Variants in CNKSR3 observed in about 807,000 individuals in gnomAD.
CNKSR3 encodes the protein CNKSR family member 3, also known as connector enhancer of kinase suppressor of ras 3.
Under a neutral mutation model 67.7 loss-of-function variants are expected in CNKSR3, and 36 were observed. That is an observed-to-expected ratio of 0.53 (90% confidence interval 0.41 to 0.70). The LOEUF (loss-of-function observed/expected upper bound fraction) is 0.70, where lower values mean the gene tolerates loss of function less well. CNKSR3 is among the 30% of genes least tolerant of loss of function. The pLI is 0.00. For synonymous variants in CNKSR3, 281 were observed against 271.4 expected (o/e 1.04, Z -0.35); for missense variants, 630 against 695.2 (o/e 0.91, Z 1.05).
At chr6:154,509,865 G>A (rs114177745) in intron 1 of CNKSR3, among the ~76,000 whole-genome samples, 198 bp downstream of exon 1, 1,691 of 152,228 alleles carry the variant, frequency 0.011, 34 homozygotes, top group African/African-American at 0.039. Flanking sequence ...GCCACAATCC[G>A]CACCCTGGAA....
intron 1 of CNKSR3, among the ~76,000 whole-genome samples, chr6:154,454,109 A>ACACAC (rs1785899735): frequency 2.6e-5 from 1 of 38,266 alleles, no homozygotes; most frequent in African/African-American, 7.6e-5. Context: ...ACACACAGAG[A>ACACAC]GAGAGAGAGA....
At chr6:154,414,746 A>G (rs769797352) in intron 9 of CNKSR3, 1 of 533,024 alleles carries the variant, frequency 1.9e-6, no homozygotes, top group Non-Finnish European at 3.8e-6. Flanking sequence ...AGTGATACTG[A>G]TAATATCTCT....
intron 9 of CNKSR3, 27 bp downstream of exon 9, chr6:154,422,479 T>C: frequency 1.9e-6 from 3 of 1,605,212 alleles, no homozygotes; most frequent in African/African-American, 1.3e-5. Flanking sequence ...CATTGTTGGA[T>C]GGAGGTTTAC....
intron 1 of CNKSR3, among the ~76,000 whole-genome samples, chr6:154,456,436 G>A (rs138412857): frequency 6.6e-6 from 1 of 151,350 alleles, no homozygotes; most frequent in African/African-American, 2.4e-5. Context: ...GGTGGCTCAC[G>A]TCTGTGATCC....
rs1038466401 is a variant in CNKSR3 at position 154,391,389 on chromosome 6, A to C, written c.*14965T>G. 1 of 152,072 alleles carries C rather than the reference A, an allele frequency of 6.6e-6. No individual in the cohort carries two copies. Among genetic ancestry groups the C allele is most frequent in the Non-Finnish European group, 1.5e-5 (1 of 68,120 alleles). 9.4% of individuals were successfully genotyped at this position (152,072 alleles called of 1,614,324 possible). On this transcript the variant is annotated 3_prime_UTR_variant, in exon 13 of 13. Transcript: ENST00000607772. The stretch of plus-strand genomic sequence containing the variant: ...GCTGAGACTACAGGCGCCTGCCACC[A>C]CAACTGGCTAATTTTTTGTATTTTT...
chr6:154,457,649 C>A (rs1313150556), intron 1 of CNKSR3, among the ~76,000 whole-genome samples: 2 of 152,170 alleles, frequency 1.3e-5, no homozygotes, highest in Non-Finnish European at 2.9e-5. Flanking sequence ...CAGAGTATCC[C>A]TTCACCATGT....
At chr6:154,440,100 G>A (rs895672407) in intron 4 of CNKSR3, among the ~76,000 whole-genome samples, 1 of 152,132 alleles carries the variant, frequency 6.6e-6, no homozygotes, top group Non-Finnish European at 1.5e-5. Context: ...CAAAAACTCA[G>A]AAGCTACTTT....
chr6:154,388,176 C>T lies in CNKSR3; in HGVS notation c.*18178G>A, dbSNP rs1203128329. The T allele has an allele frequency of 2.0e-5, 3 of 152,146 alleles. No individual in the cohort carries two copies. Among genetic ancestry groups the T allele is most frequent in the East Asian group, 3.8e-4 (2 of 5,196 alleles). The allele number at this position is 152,146 out of a possible 1,614,324, so 9.4% of individuals were successfully genotyped here. On this transcript the variant is annotated 3_prime_UTR_variant, in exon 13 of 13. Transcript: ENST00000607772. ...CCTATTGATTAGTAACTCCCCACTCCCCTCAGCCCCTGGCCACCATCATTT... is the reference window on the plus strand; with the variant it reads ...CCTATTGATTAGTAACTCCCCACTCTCCTCAGCCCCTGGCCACCATCATTT...
At chr6:154,442,371 C>G in intron 2 of CNKSR3, 81 bp from the exon 3 acceptor site, 1 of 1,229,100 alleles carries the variant, frequency 8.1e-7, no homozygotes, top group Non-Finnish European at 1.2e-6. Context: ...GCCTGTAATC[C>G]TAGCACTTTG....
chr6:154,454,980 T>G (rs745891073), intron 1 of CNKSR3, among the ~76,000 whole-genome samples: 13 of 152,050 alleles, frequency 8.5e-5, no homozygotes, highest in Non-Finnish European at 1.5e-4. Context: ...CCTAAAAAAT[T>G]TTTATGATTT....
At chr6:154,492,577 C>G (rs970134222) in intron 1 of CNKSR3, among the ~76,000 whole-genome samples, 4 of 151,994 alleles carry the variant, frequency 2.6e-5, no homozygotes, top group African/African-American at 7.2e-5. Context: ...GAAACCCCAT[C>G]TCTCCTAAAA....
chr6:154,454,100 CACACAGAG>C (rs1266365273), intron 1 of CNKSR3, among the ~76,000 whole-genome samples: 3 of 97,308 alleles, frequency 3.1e-5, no homozygotes, highest in Non-Finnish European at 4.4e-5. Context: ...CACACACACA[CACACAGAG>C]AGAGAGAGAG....
At chr6:154,445,987 C>T (rs958597494) in intron 2 of CNKSR3, among the ~76,000 whole-genome samples, 2 of 152,192 alleles carry the variant, frequency 1.3e-5, no homozygotes, top group African/African-American at 4.8e-5. Context: ...CCATAAAGAC[C>T]GAAAATAAAT....
At chr6:154,456,857 C>CT (rs1582876047) in intron 1 of CNKSR3, among the ~76,000 whole-genome samples, 1 of 151,904 alleles carries the variant, frequency 6.6e-6, no homozygotes, top group African/African-American at 2.4e-5. Context: ...GAAGCAACTA[C>CT]TATATGTAAG....
rs1273344340 is a variant in CNKSR3 at position 154,390,986 on chromosome 6, A to G, written c.*15368T>C. ...CAGCTAATTTTTATATTTTTAGTAG[A>G]GAGAGGGTTTCACCATTCTGGCCAG... is the stretch of plus-strand genomic sequence containing the variant. On this transcript the variant is annotated 3_prime_UTR_variant, in exon 13 of 13. Coordinates refer to ENST00000607772, the MANE Select transcript of CNKSR3 (RefSeq NM_173515.4). 6.6e-6 allele frequency: 1 copy of G among 151,886 alleles called. No individual in the cohort carries two copies. The highest frequency in any genetic ancestry group is 1.5e-5 in the Non-Finnish European group (1 of 68,046). 9.4% of individuals were successfully genotyped at this position (151,886 alleles called of 1,614,324 possible).
chr6:154,415,228 A>ATTCTTTTTTTTTTTTTTTTTTTT (rs1784998552), intron 9 of CNKSR3, among the ~76,000 whole-genome samples: 1 of 118,106 alleles, frequency 8.5e-6, no homozygotes, highest in Admixed American at 9.2e-5. Context: ...CTAGCTGCCC[A>ATTCTTTTTTTTTTTTTTTTTTTT]TTTTTTTTTT....
Position 154,473,239 on chromosome 6 carries a change from GA to G in CNKSR3, c.53-22982del, listed in dbSNP as rs1219655942. On this transcript the variant is annotated intron_variant, in intron 1 of 12. Coordinates refer to ENST00000607772, the MANE Select transcript of CNKSR3 (RefSeq NM_173515.4). ...AAGTGCCAGAGAGCACACACACGTT[GA>G]AAGGGGCCAGAAAATAATGGACAAA... 3.9e-5 allele frequency among the ~76,000 whole-genome samples: 6 copies of G among 152,226 alleles called. No homozygotes were observed. In the East Asian group the frequency reaches 1.2e-3, roughly 29 times the overall value.
At chr6:154,452,750 T>C (rs576507382) in intron 1 of CNKSR3, among the ~76,000 whole-genome samples, 25 of 152,182 alleles carry the variant, frequency 1.6e-4, no homozygotes, top group Non-Finnish European at 2.6e-4. Flanking sequence ...GCTCAATCCA[T>C]ATGACTCGTG....
intron 6 of CNKSR3, among the ~76,000 whole-genome samples, 163 bp from the exon 7 acceptor site, chr6:154,428,350 G>A (rs1370611557): frequency 6.6e-6 from 1 of 152,150 alleles, no homozygotes; most frequent in African/African-American, 2.4e-5. Flanking sequence ...GGTGGTGAAG[G>A]GGAGCTAAGC....
Sources: gnomAD v4.1 joint callset for allele counts (sites outside exome capture counted in the v4.1 genomes callset) on GRCh38, gnomAD v4.1.1 for gene constraint, MANE v1.5 for transcripts, NCBI Gene and HGNC (gene_info 2026-07-23, HGNC 2026-07-21) for gene names.